The following XXYLT1 variants were observed in gnomAD, a reference collection of about 807,000 sequenced individuals.
XXYLT1 encodes the protein xyloside xylosyltransferase 1, also known as UDP-xylose:alpha-xyloside alpha-1,3-xylosyltransferase.
A neutral mutation model predicts 28.9 loss-of-function variants in XXYLT1; 20 were observed. The observed-to-expected ratio is 0.69, with a 90% CI of 0.49 to 1.00. The LOEUF (loss-of-function observed/expected upper bound fraction) is 1.00, where lower values mean the gene tolerates loss of function less well. Among genes scored for constraint, XXYLT1 ranks in the 50% least tolerant of loss-of-function variants. The pLI is 0.00. For missense variants in XXYLT1, 542 were observed against 560.1 expected, an observed-to-expected ratio of 0.97 and a Z score of 0.33; for synonymous variants, 257 against 253.8, an observed-to-expected ratio of 1.01 and a Z score of -0.12.
At chr3:195,234,670 TTAAG>T (rs1445373112) in intron 1 of XXYLT1, among the ~76,000 whole-genome samples, 7 of 152,112 alleles carry the variant, frequency 4.6e-5, no homozygotes, top group Non-Finnish European at 8.8e-5. Flanking sequence ...CTTCAACACT[TTAAG>T]TATGTCATGC....
intron 3 of XXYLT1, among the ~76,000 whole-genome samples, chr3:195,120,832 G>A (rs1429318634): frequency 6.6e-6 from 1 of 152,190 alleles, no homozygotes; most frequent in African/African-American, 2.4e-5. Flanking sequence ...GAGAGGGTGT[G>A]CGGCCTGGCT....
intron 3 of XXYLT1, among the ~76,000 whole-genome samples, chr3:195,146,220 C>T (rs961602167): frequency 6.6e-6 from 1 of 152,218 alleles, no homozygotes; most frequent in African/African-American, 2.4e-5. Flanking sequence ...CCTTTCCACA[C>T]GTGGTTTGTT....
At chr3:195,142,699 G>A (rs1719555076) in intron 3 of XXYLT1, among the ~76,000 whole-genome samples, 1 of 152,270 alleles carries the variant, frequency 6.6e-6, no homozygotes, top group Non-Finnish European at 1.5e-5. Context: ...CCGCCGAGCA[G>A]GCAGCCGGGG....
At chr3:195,171,573 G>A (rs1394899923) in intron 2 of XXYLT1, among the ~76,000 whole-genome samples, 3 of 152,186 alleles carry the variant, frequency 2.0e-5, no homozygotes, top group African/African-American at 7.2e-5. Context: ...TGGATTATTG[G>A]TGTCTTGATT....
intron 2 of XXYLT1, chr3:195,214,733 C>G (rs529684939): frequency 1.3e-5 from 2 of 152,152 alleles, no homozygotes; most frequent in Non-Finnish European, 2.9e-5. Flanking sequence ...CTGCAGGAAC[C>G]CTCCCCTTAG....
intron 2 of XXYLT1, among the ~76,000 whole-genome samples, chr3:195,191,983 C>T (rs1722440657): frequency 6.6e-6 from 1 of 152,180 alleles, no homozygotes; most frequent in Admixed American, 6.5e-5. Flanking sequence ...AGACTCAATA[C>T]AATCAAGCAA....
chr3:195,121,568 C>T (rs1008473920), intron 3 of XXYLT1, among the ~76,000 whole-genome samples: 27 of 152,214 alleles, frequency 1.8e-4, no homozygotes, highest in African/African-American at 5.8e-4. Context: ...CTACGCCCCA[C>T]TCTAAAACCT....
intron 3 of XXYLT1, among the ~76,000 whole-genome samples, chr3:195,114,648 G>C (rs1463778295): frequency 6.6e-6 from 1 of 152,196 alleles, no homozygotes; most frequent in East Asian, 1.9e-4. Context: ...ACGAAGACCA[G>C]GACCAGACAT....
intron 3 of XXYLT1, among the ~76,000 whole-genome samples, chr3:195,110,889 G>A (rs1287664034): frequency 2.6e-4 from 4 of 15,240 alleles, no homozygotes; most frequent in African/African-American, 8.5e-4. Context: ...GTATGTGTGC[G>A]TGTGTGTGGG....
intron 2 of XXYLT1, among the ~76,000 whole-genome samples, chr3:195,163,736 G>A (rs1160685207): frequency 6.6e-6 from 1 of 152,202 alleles, no homozygotes; most frequent in Admixed American, 6.5e-5. Flanking sequence ...TCCACGGAGG[G>A]CATGGCTGCT....
At chr3:195,181,327 G>T (rs1279888932) in intron 2 of XXYLT1, among the ~76,000 whole-genome samples, 3 of 152,126 alleles carry the variant, frequency 2.0e-5, no homozygotes, top group African/African-American at 7.2e-5. Flanking sequence ...TTGCCACCAG[G>T]CGTGCCTTTA....
At chr3:195,094,410 G>T (rs556964769) in intron 3 of XXYLT1, among the ~76,000 whole-genome samples, 8 of 152,224 alleles carry the variant, frequency 5.3e-5, no homozygotes, top group African/African-American at 1.7e-4. Flanking sequence ...CTGCCCACAC[G>T]CATGCAGGCC....
chr3:195,187,298 C>T (rs1346059076), intron 2 of XXYLT1, among the ~76,000 whole-genome samples: 2 of 151,790 alleles, frequency 1.3e-5, no homozygotes, highest in Non-Finnish European at 2.9e-5. Flanking sequence ...CTCCTGACCT[C>T]GTGATCCACC....
chr3:195,069,721 C>G lies in XXYLT1; in HGVS notation c.1176G>C (p.Glu392Asp). Residue 392 changes from glutamate (E) to aspartate (D), a missense_variant, in exon 4 of 4, where the codon GAG becomes GAC. Glu to Asp is a conservative substitution (Grantham distance 45). Coordinates refer to ENST00000310380, the MANE Select transcript of XXYLT1 (RefSeq NM_152531.5). ...GGCAAGGCACGGGGAGCGCCTAGTC[C>G]TCCGGGATGGGAGTGTTGCAGTTCC... Reference protein sequence around the residue: ...YHGNCNTPIPED With the variant: ...YHGNCNTPIPDD 1 of 1,611,600 alleles carries G rather than the reference C, an allele frequency of 6.2e-7. No homozygotes were observed. The highest frequency in any genetic ancestry group is 8.5e-7 in the Non-Finnish European group (1 of 1,179,154).
Position 195,250,416 on chromosome 3 carries a change from T to C in XXYLT1, c.504+20139A>G, listed in dbSNP as rs146353339. 1.8e-4 allele frequency among the ~76,000 whole-genome samples: 28 copies of C among 152,080 alleles called. No individual in the cohort carries two copies. In the East Asian group the frequency reaches 5.0e-3, roughly 27 times the overall value. On this transcript the variant is annotated intron_variant, in intron 1 of 3. Coordinates refer to ENST00000310380, the MANE Select transcript of XXYLT1 (RefSeq NM_152531.5). The stretch of plus-strand genomic sequence containing the variant: ...CGTCTCTACTAAAAAATACAAAAAT[T>C]AGCTGGGCGTGGTGGCACATGCCTA...
At chr3:195,193,463 A>G (rs917349292) in intron 2 of XXYLT1, among the ~76,000 whole-genome samples, 1 of 152,206 alleles carries the variant, frequency 6.6e-6, no homozygotes, top group Non-Finnish European at 1.5e-5. Context: ...CACCGTCAAG[A>G]TGGGAATTCC....
intron 3 of XXYLT1, among the ~76,000 whole-genome samples, chr3:195,151,347 C>A (rs1331786228): frequency 6.6e-6 from 1 of 151,880 alleles, no homozygotes; most frequent in South Asian, 2.1e-4. Flanking sequence ...AGTTCGAGAC[C>A]AGCCTGGCCA....
chr3:195,170,832 C>G (rs1167008720), intron 2 of XXYLT1, among the ~76,000 whole-genome samples: 1 of 151,856 alleles, frequency 6.6e-6, no homozygotes, highest in East Asian at 1.9e-4. Flanking sequence ...CCCTTGAGCA[C>G]AGGAGTTCGA....
rs141193441 is a variant in XXYLT1, at chr3:195,113,171, G to A, written c.786-43060C>T. Reference sequence around the variant, plus strand: ...CACTCCTTGGTCCGTGGACCTTCCCGTCTTTTCTCCCTTCCACAGTAAGGA... The same window carrying A: ...CACTCCTTGGTCCGTGGACCTTCCCATCTTTTCTCCCTTCCACAGTAAGGA... On this transcript the variant is annotated intron_variant, in intron 3 of 3. Coordinates refer to ENST00000310380, the MANE Select transcript of XXYLT1 (RefSeq NM_152531.5). Among the ~76,000 whole-genome samples, 505 of 152,268 alleles carry A rather than the reference G, an allele frequency of 3.3e-3. 3 individuals are homozygous for A. The highest frequency in any genetic ancestry group is 5.8e-3 in the Non-Finnish European group (396 of 68,026).
Sources: gnomAD v4.1 joint callset for allele counts (sites outside exome capture counted in the v4.1 genomes callset) on GRCh38, gnomAD v4.1.1 for gene constraint, MANE v1.5 for transcripts, NCBI Gene and HGNC (gene_info 2026-07-23, HGNC 2026-07-21) for gene names.